The following TBC1D17 variants were observed in gnomAD, a reference collection of about 807,000 sequenced individuals.
The protein encoded by TBC1D17 is TBC1 domain family member 17.
TBC1D17 carries 69 observed loss-of-function variants against 78.8 expected under a neutral mutation model. The observed-to-expected ratio is 0.88, with a 90% CI of 0.72 to 1.07. The LOEUF (loss-of-function observed/expected upper bound fraction) is 1.07. Ranked by LOEUF, TBC1D17 falls within the 50% of genes least tolerant of loss-of-function variation. TBC1D17 has a pLI of 0.00. For synonymous variants in TBC1D17, 456 were observed against 358.3 expected, an observed-to-expected ratio of 1.27 and a Z score of -3.08; for missense variants, 957 against 861.0, an observed-to-expected ratio of 1.11 and a Z score of -1.39.
At chr19:49,881,651 A>G (rs1036005414) in intron 5 of TBC1D17, among the ~76,000 whole-genome samples, 176 bp downstream of exon 5, 2 of 152,250 alleles carry the variant, frequency 1.3e-5, no homozygotes, top group African/African-American at 4.8e-5. Flanking sequence ...GGCAGGACCC[A>G]GGTCCCAAAA....
chr19:49,881,182 G>C, intron 4 of TBC1D17, 86 bp from the exon 5 acceptor site: 1 of 1,241,040 alleles, frequency 8.1e-7, no homozygotes, highest in Non-Finnish European at 1.1e-6. Context: ...GGAGATGCCT[G>C]TGCCGAAGGA....
In TBC1D17 at chr19:49,888,326, C is replaced by T. The variant is rs1000555472; in HGVS notation, c.1746+9C>T. The T allele has an allele frequency of 2.3e-5, 36 of 1,560,476 alleles. No individual in the cohort carries two copies. The highest frequency in any genetic ancestry group is 2.9e-5 in the Non-Finnish European group (34 of 1,153,288). On this transcript the variant is annotated intron_variant, in intron 16 of 16. Transcript: ENST00000221543. ...AGCTAACCGCCTGCCCCGTGAGTCCCCGTCCGCCCCGCAGCGCCCCGCCCG... is the reference window on the plus strand; with the variant it reads ...AGCTAACCGCCTGCCCCGTGAGTCCTCGTCCGCCCCGCAGCGCCCCGCCCG...
At position 49,888,225 on chromosome 19, in the gene TBC1D17, C is replaced by T. The variant is rs1223847554; in HGVS notation, c.1660-6C>T. On this transcript the variant is annotated splice_region_variant and splice_polypyrimidine_tract_variant and intron_variant, in intron 15 of 16. Transcript: ENST00000221543. ...CGACTGGCGCCTGACCCACCCCCTC[C>T]CGCAGCACATCAACGAGCTGACTAT... 2 of 1,576,404 alleles carry T rather than the reference C, an allele frequency of 1.3e-6. No individual in the cohort carries two copies. The highest frequency in any genetic ancestry group is 8.6e-7 in the Non-Finnish European group (1 of 1,161,734).
chr19:49,888,346 C>CG, intron 16 of TBC1D17, 29 bp downstream of exon 16: 4 of 1,538,344 alleles, frequency 2.6e-6, no homozygotes, highest in Non-Finnish European at 3.5e-6. Context: ...CGCAGCGCCC[C>CG]GCCCGAACCC....
Position 49,887,814 on chromosome 19 carries a change from G to C in TBC1D17, c.1639G>C (p.Gly547Arg). The C allele has an allele frequency of 3.1e-6, 5 of 1,610,410 alleles. No homozygotes were observed. Among genetic ancestry groups the C allele is most frequent in the Non-Finnish European group, 4.2e-6 (5 of 1,178,900 alleles). ...GGACACCCTCATGCTGTCCGGCTTC[G>C]GCTCCAATGAGATCCTCAAGGTGAG... ...ERDTLMLSGF[G>R]SNEILKHINE... The change falls in exon 15 of 17, where the codon GGC becomes CGC. Residue 547 changes from glycine to arginine, a missense_variant. Coordinates refer to ENST00000221543, the MANE Select transcript of TBC1D17 (RefSeq NM_024682.3).
Position 49,882,306 on chromosome 19 carries a change from G to A in TBC1D17, c.704G>A (p.Arg235Gln), listed in dbSNP as rs772441296. ...TTCTCCCGAGTGACCAACTTCTTCC[G>A]GGGTGCCCTGCAGCCACAGCCTGAG... The part of the protein sequence containing the change: ...SSFSRVTNFF[R>Q]GALQPQPEGA... Residue 235 changes from arginine (R) to glutamine (Q), a missense_variant, in exon 7 of 17, where the codon CGG (arginine) becomes CAG (glutamine). Physicochemically the swap from Arg to Gln is conservative, Grantham distance 43 (BLOSUM62 1). Coordinates refer to ENST00000221543, the MANE Select transcript of TBC1D17 (RefSeq NM_024682.3). 32 of 1,611,766 alleles carry A rather than the reference G, an allele frequency of 2.0e-5. No homozygotes were observed. The highest frequency in any genetic ancestry group is 4.5e-5 in the East Asian group (2 of 44,894).
At chr19:49,882,944 C>A (rs1435991096) in intron 8 of TBC1D17, 29 bp from the exon 9 acceptor site, 1 of 1,598,160 alleles carries the variant, frequency 6.3e-7, no homozygotes, top group South Asian at 1.1e-5. Flanking sequence ...CAAGGCCCCA[C>A]TGAGCTGCCT....
In TBC1D17 at chr19:49,882,313, C is replaced by T. The variant is rs765327782; in HGVS notation, c.711C>T (p.Ala237=). 8.1e-6 allele frequency: 13 copies of T among 1,611,888 alleles called. No individual in the cohort carries two copies. The highest frequency in any genetic ancestry group is 1.1e-5 in the Non-Finnish European group (13 of 1,179,986). The stretch of plus-strand genomic sequence containing the variant: ...GAGTGACCAACTTCTTCCGGGGTGC[C>T]CTGCAGCCACAGCCTGAGGGAGCCG... The part of the protein sequence containing the change: ...FSRVTNFFRG[A]LQPQPEGAAS... The change falls in exon 7 of 17, where the codon GCC becomes GCT. Residue 237 remains alanine (A), a synonymous_variant. Coordinates refer to ENST00000221543, the MANE Select transcript of TBC1D17 (RefSeq NM_024682.3).
chr19:49,881,128 ATG>A (rs2075008682), intron 4 of TBC1D17, 138 bp from the exon 5 acceptor site: 1 of 677,920 alleles, frequency 1.5e-6, no homozygotes, highest in African/African-American at 1.8e-5. Context: ...CTTCCAAGGA[ATG>A]TGAGGCCAGG....
chr19:49,882,131 G>C lies in TBC1D17; in HGVS notation c.618G>C (p.Gln206His). 2 of 1,614,104 alleles carry C rather than the reference G, an allele frequency of 1.2e-6. No homozygotes were observed. The highest frequency in any genetic ancestry group is 1.7e-6 in the Non-Finnish European group (2 of 1,180,006). Residue 206 changes from glutamine to histidine, a missense_variant, in exon 6 of 17, where the codon CAG (glutamine) becomes CAC (histidine). Gln to His is a conservative substitution (Grantham distance 24). Coordinates refer to ENST00000221543, the MANE Select transcript of TBC1D17 (RefSeq NM_024682.3). ...TCCACCACCTGCAGCTCTTTGACCA[G>C]GACAGCTCCAATGTGGTGTCAGTGA... ...NSFHHLQLFDQDSSNVVSRFL... is the reference protein window; with the variant it reads ...NSFHHLQLFDHDSSNVVSRFL...
intron 5 of TBC1D17, 93 bp from the exon 6 acceptor site, chr19:49,881,947 GC>G: frequency 9.0e-7 from 1 of 1,106,192 alleles, no homozygotes; most frequent in South Asian, 1.3e-5. Flanking sequence ...TGGTTGGGAC[GC>G]TGCAGCTGGA....
At chr19:49,883,956 C>T (rs1055325959) in intron 10 of TBC1D17, among the ~76,000 whole-genome samples, 1 of 152,188 alleles carries the variant, frequency 6.6e-6, no homozygotes, top group African/African-American at 2.4e-5. Context: ...GCCCAGCTCC[C>T]TTCAGGCCCA....
chr19:49,888,409 A>T lies in TBC1D17; in HGVS notation c.1747-15A>T, dbSNP rs2075084225. 6.4e-7 allele frequency: 1 copy of T among 1,556,678 alleles called. No homozygotes were observed. The highest frequency in any genetic ancestry group is 1.5e-5 in the African/African-American group (1 of 65,258). Reference sequence around the variant, plus strand: ...TCACCTTCCGCTTTTCGCTTCTCTCATCCCGTGCCTCCAGGAGCTGCCCCA... The same window carrying T: ...TCACCTTCCGCTTTTCGCTTCTCTCTTCCCGTGCCTCCAGGAGCTGCCCCA... On this transcript the variant is annotated splice_polypyrimidine_tract_variant and intron_variant, in intron 16 of 16. Coordinates refer to ENST00000221543, the MANE Select transcript of TBC1D17 (RefSeq NM_024682.3).
chr19:49,887,339 T>C, intron 13 of TBC1D17, 137 bp from the exon 14 acceptor site: 1 of 822,096 alleles, frequency 1.2e-6, no homozygotes, highest in South Asian at 1.6e-5. Context: ...GGGCTGCTCC[T>C]GCCTCACCTC....
chr19:49,881,315 C>T lies in TBC1D17; in HGVS notation c.367C>T (p.Leu123=). Residue 123 remains leucine, a synonymous_variant, in exon 5 of 17, where the codon CTG becomes TTG. Coordinates refer to ENST00000221543, the MANE Select transcript of TBC1D17 (RefSeq NM_024682.3). The part of the protein sequence containing the change: ...PQGSWAFSVS[L]GELKSIRRSK... ...GGGCTCCTGGGCCTTCTCAGTGAGT[C>T]TGGGGGAGCTAAAGTCCATCCGCCG... 2 of 1,613,202 alleles carry T rather than the reference C, an allele frequency of 1.2e-6. No homozygotes were observed. The highest frequency in any genetic ancestry group is 2.2e-5 in the South Asian group (2 of 91,072).
intron 7 of TBC1D17, 105 bp from the exon 8 acceptor site, chr19:49,882,655 TGTTA>T: frequency 7.0e-7 from 1 of 1,427,662 alleles, no homozygotes; most frequent in Non-Finnish European, 9.2e-7. Context: ...TGCCCCTGAA[TGTTA>T]GTCATCCGTC....
At chr19:49,877,852 C>A in intron 1 of TBC1D17, 108 bp downstream of exon 1, 1 of 1,350,072 alleles carries the variant, frequency 7.4e-7, no homozygotes, top group Non-Finnish European at 1.0e-6. Flanking sequence ...ACGGCCTTGG[C>A]AAACACCGAT....
intron 14 of TBC1D17, 35 bp from the exon 15 acceptor site, chr19:49,887,683 T>G (rs755500840): frequency 6.2e-7 from 1 of 1,611,236 alleles, no homozygotes; most frequent in South Asian, 1.1e-5. Context: ...GGCTGGGCTA[T>G]GACCTCCCTC....
chr19:49,878,207 C>T lies in TBC1D17; in HGVS notation c.86C>T (p.Ser29Phe), dbSNP rs753384830. 4.5e-6 allele frequency: 7 copies of T among 1,565,562 alleles called. No individual in the cohort carries two copies. Among genetic ancestry groups the T allele is most frequent in the South Asian group, 1.2e-5 (1 of 85,176 alleles). Reference protein sequence around the residue: ...TSAKKYQDRDSLIAGVIRVVE... With the variant: ...TSAKKYQDRDFLIAGVIRVVE... ...GCTAAGAAGTATCAGGACCGAGACT[C>T]TCTCATCGCTGGTGTCATCCGTGTC... is the stretch of plus-strand genomic sequence containing the variant. Residue 29 changes from serine (S) to phenylalanine (F), a missense_variant, in exon 2 of 17, where the codon TCT becomes TTT. Transcript: ENST00000221543.
Sources: allele counts gnomAD v4.1 joint callset (sites outside exome capture counted in the v4.1 genomes callset), GRCh38; gene constraint gnomAD v4.1.1; transcripts MANE v1.5; gene names NCBI Gene and HGNC (gene_info 2026-07-23, HGNC 2026-07-21).